IQGAP2: variants seen among roughly 807,000 people sequenced by gnomAD.
IQGAP2 encodes the protein IQ motif containing GTPase activating protein 2.
IQGAP2 carries 173 observed loss-of-function variants against 201.3 expected under a neutral mutation model. The observed-to-expected ratio is 0.86, with a 90% confidence interval of 0.76 to 0.98. The LOEUF (loss-of-function observed/expected upper bound fraction) is 0.98, where lower values mean the gene tolerates loss of function less well. Among genes scored for constraint, IQGAP2 ranks in the 50% least tolerant of loss-of-function variants. The pLI is 0.00. For synonymous variants in IQGAP2, 675 were observed against 673.9 expected, an observed-to-expected ratio of 1.00 and a Z score of -0.03; for missense variants, 1,687 against 1,864.8, an observed-to-expected ratio of 0.90 and a Z score of 1.76.
Position 76,468,899 on chromosome 5 carries a change from TC to T in IQGAP2, c.146+7232del, listed in dbSNP as rs201992791. Among the ~76,000 whole-genome samples, 1,479 of 152,304 alleles carry T rather than the reference TC, an allele frequency of 9.7e-3. 23 individuals are homozygous for T. Among genetic ancestry groups the T allele is most frequent in the African/African-American group, 0.034 (1,419 of 41,556 alleles). The stretch of plus-strand genomic sequence containing the variant: ...AGGGTATCCTTCTCTGGCTTCCACA[TC>T]CAGGTCAAACTCACCGATTAGAAGG... On this transcript the variant is annotated intron_variant, in intron 2 of 35. Transcript: ENST00000274364.
intron 1 of IQGAP2, among the ~76,000 whole-genome samples, chr5:76,434,205 T>C (rs1360875922): frequency 1.3e-5 from 2 of 152,150 alleles, no homozygotes; most frequent in African/African-American, 4.8e-5. Flanking sequence ...TTAAAGAAAT[T>C]TCAATAGCTT....
At chr5:76,526,937 AGT>A (rs1759009972) in intron 2 of IQGAP2, among the ~76,000 whole-genome samples, 1 of 152,206 alleles carries the variant, frequency 6.6e-6, no homozygotes, top group Non-Finnish European at 1.5e-5. Flanking sequence ...CTGGCCACTG[AGT>A]GTGTCTGTGC....
In IQGAP2 at chr5:76,707,515, A is replaced by G. The variant is rs1230279285; in HGVS notation, c.*202A>G. ...AATAGAATGAGACATAAAATGAATT[A>G]ATGGAAACATATCCACACTGTACTG... On this transcript the variant is annotated 3_prime_UTR_variant, in exon 36 of 36. Coordinates refer to ENST00000274364, the MANE Select transcript of IQGAP2 (RefSeq NM_006633.5). 1.8e-6 allele frequency: 1 copy of G among 548,390 alleles called. No individual in the cohort carries two copies. Among genetic ancestry groups the G allele is most frequent in the Non-Finnish European group, 3.2e-6 (1 of 309,974 alleles). The allele number at this position is 548,390 out of a possible 1,614,324, so 34.0% of individuals were successfully genotyped here.
At chr5:76,696,992 G>C (rs2150548395) in intron 32 of IQGAP2, among the ~76,000 whole-genome samples, 1 of 152,096 alleles carries the variant, frequency 6.6e-6, no homozygotes, top group African/African-American at 2.4e-5. Flanking sequence ...TTTTTAACTT[G>C]TTTACAAAAG....
At chr5:76,470,525 C>A (rs1180236570) in intron 2 of IQGAP2, among the ~76,000 whole-genome samples, 1 of 152,134 alleles carries the variant, frequency 6.6e-6, no homozygotes, top group Non-Finnish European at 1.5e-5. Context: ...CCTTCCTGAT[C>A]TGAATGCTTA....
chr5:76,627,454 G>A lies in IQGAP2; in HGVS notation c.1566G>A (p.Gln522=), dbSNP rs779026209. 1 of 1,603,640 alleles carries A rather than the reference G, an allele frequency of 6.2e-7. No homozygotes were observed. The highest frequency in any genetic ancestry group is 8.5e-7 in the Non-Finnish European group (1 of 1,170,560). The part of the protein sequence containing the change: ...VSKVLWLDEI[Q]QAVDDANVDK... ...AAGTGCTTTGGCTGGATGAGATACA[G>A]CAAGCCGTCGATGATGCCAACGTGG... Residue 522 remains glutamine (Q), a synonymous_variant, in exon 14 of 36, where the codon CAG becomes CAA. Transcript: ENST00000274364.
rs549057590 is a variant in IQGAP2, at chr5:76,495,065, C to T, written c.146+33396C>T. Among the ~76,000 whole-genome samples, 8 of 152,170 alleles carry T rather than the reference C, an allele frequency of 5.3e-5. No homozygotes were observed. In the South Asian group the frequency reaches 1.5e-3, roughly 28 times the overall value. On this transcript the variant is annotated intron_variant, in intron 2 of 35. Transcript: ENST00000274364. ...GAAGGCAAAAATAAATAAATAAATACATAAATACATAAATTTTAAAAACCC... is the reference window on the plus strand; with the variant it reads ...GAAGGCAAAAATAAATAAATAAATATATAAATACATAAATTTTAAAAACCC...
intron 12 of IQGAP2, among the ~76,000 whole-genome samples, chr5:76,610,110 ATATATTTTTTTTTTT>A (rs1748229222): frequency 2.3e-4 from 3 of 13,190 alleles, no homozygotes; most frequent in African/African-American, 7.8e-4. Context: ...ATATATATAT[ATATATTTTTTTTTTT>A]TTTTTTTTTT....
chr5:76,585,972 G>A (rs923054510), intron 5 of IQGAP2, among the ~76,000 whole-genome samples: 1 of 152,152 alleles, frequency 6.6e-6, no homozygotes, highest in Non-Finnish European at 1.5e-5. Flanking sequence ...AGTAATATGA[G>A]CACCCTTTTA....
In IQGAP2 at chr5:76,597,270, G is replaced by A. The variant is rs189568749; in HGVS notation, c.908-169G>A. 68 of 633,358 alleles carry A rather than the reference G, an allele frequency of 1.1e-4. No individual in the cohort carries two copies. In the African/African-American group the frequency reaches 1.2e-3, roughly 11 times the overall value. The allele number at this position is 633,358 out of a possible 1,614,324, so 39.2% of individuals were successfully genotyped here. ...CTAATTCCAAAGATTGGATTAGTTT[G>A]AATTACTGAGATAACATTTTCAAAG... On this transcript the variant is annotated intron_variant, in intron 9 of 35. Coordinates refer to ENST00000274364, the MANE Select transcript of IQGAP2 (RefSeq NM_006633.5).
intron 13 of IQGAP2, among the ~76,000 whole-genome samples, chr5:76,625,314 A>T (rs1021629238): frequency 6.6e-6 from 1 of 152,186 alleles, no homozygotes; most frequent in Admixed American, 6.5e-5. Flanking sequence ...GTTATGAAGG[A>T]AGGCAAATAC....
chr5:76,546,812 G>A (rs375868717), intron 2 of IQGAP2, among the ~76,000 whole-genome samples: 11 of 152,246 alleles, frequency 7.2e-5, no homozygotes, highest in Middle Eastern at 3.4e-3. Context: ...TGCCTCAAAC[G>A]TTTTCACTCG....
intron 15 of IQGAP2, among the ~76,000 whole-genome samples, chr5:76,634,812 C>T (rs10042932): frequency 0.57 from 86,679 of 151,784 alleles, 24,815 homozygotes; most frequent in South Asian, 0.62. Context: ...TCTATATGTT[C>T]GCGTATAATT....
intron 2 of IQGAP2, among the ~76,000 whole-genome samples, chr5:76,537,241 T>C (rs1030242606): frequency 2.0e-5 from 3 of 152,242 alleles, no homozygotes; most frequent in Non-Finnish European, 4.4e-5. Context: ...ATAAGTCTCC[T>C]GGTTTATGCT....
chr5:76,676,120 C>T (rs1744794982), intron 27 of IQGAP2, among the ~76,000 whole-genome samples: 1 of 149,770 alleles, frequency 6.7e-6, no homozygotes, highest in Non-Finnish European at 1.5e-5. Flanking sequence ...CACACACACA[C>T]ACAAAGTAAT....
chr5:76,521,301 A>G (rs1758674180), intron 2 of IQGAP2, among the ~76,000 whole-genome samples: 1 of 152,222 alleles, frequency 6.6e-6, no homozygotes, highest in Non-Finnish European at 1.5e-5. Context: ...ATGTGTACCA[A>G]TTCCACGGGT....
At chr5:76,618,202 TG>T in intron 13 of IQGAP2, 1 of 1,614,148 alleles carries the variant, frequency 6.2e-7, no homozygotes, top group Non-Finnish European at 8.5e-7. Context: ...ATGACTGTGG[TG>T]GCCCGGCACA....
At chr5:76,671,711 C>G in intron 23 of IQGAP2, 48 bp from the exon 24 acceptor site, 9 of 1,051,262 alleles carry the variant, frequency 8.6e-6, no homozygotes, top group Non-Finnish European at 1.3e-5. Context: ...AAAAAAAAAT[C>G]TGTATCCATG....
At chr5:76,693,317 A>G in intron 30 of IQGAP2, 38 bp from the exon 31 acceptor site, 1 of 1,441,714 alleles carries the variant, frequency 6.9e-7, no homozygotes, top group Non-Finnish European at 9.7e-7. Context: ...CATAAGGACT[A>G]CAGTCTGAAA....
Sources: gnomAD v4.1 joint callset for allele counts (sites outside exome capture counted in the v4.1 genomes callset) on GRCh38, gnomAD v4.1.1 for gene constraint, MANE v1.5 for transcripts, NCBI Gene and HGNC (gene_info 2026-07-23, HGNC 2026-07-21) for gene names.